CUX2: variants seen among roughly 807,000 people sequenced by gnomAD.
CUX2 encodes cut like homeobox 2.
CUX2 carries 40 observed loss-of-function variants against 144.8 expected under a neutral mutation model. The observed-to-expected ratio is 0.28, with a 90% CI of 0.21 to 0.36. The LOEUF is 0.36. Among genes scored for constraint, CUX2 ranks in the 10% least tolerant of loss-of-function variants. CUX2 has a pLI of 1.00. For synonymous variants in CUX2, 827 were observed against 875.6 expected (o/e 0.94, Z 0.98); for missense variants, 1,615 against 1,994.0 (o/e 0.81, Z 3.62).
chr12:111,324,155 T>G (rs541686595), intron 18 of CUX2, among the ~76,000 whole-genome samples: 1 of 151,734 alleles, frequency 6.6e-6, no homozygotes, highest in South Asian at 2.1e-4. Flanking sequence ...TCGAGACCAG[T>G]CTGGCCAACA....
In CUX2 at chr12:111,037,725, T is replaced by A. The variant is rs1869530763; in HGVS notation, c.63+3485T>A. 6.6e-6 allele frequency among the ~76,000 whole-genome samples: 1 copy of A among 152,266 alleles called. No homozygotes were observed. The highest frequency in any genetic ancestry group is 6.5e-5 in the Admixed American group (1 of 15,290). On this transcript the variant is annotated intron_variant, in intron 1 of 21. Transcript: ENST00000261726. This position sits in a 1 kb window ranked among gnomAD's most constrained non-coding sequence, Gnocchi z 5.4. Reference sequence around the variant, plus strand: ...TATTTTTTTATGGCTTTTCTGTGTATAATCGTCGTAACCGGATTCATACCT... The same window carrying A: ...TATTTTTTTATGGCTTTTCTGTGTAAAATCGTCGTAACCGGATTCATACCT...
chr12:111,285,704 C>T (rs1340035545), intron 4 of CUX2, among the ~76,000 whole-genome samples: 2 of 152,310 alleles, frequency 1.3e-5, no homozygotes, highest in East Asian at 1.9e-4. Context: ...TCCATTTTTC[C>T]GTGTGGGAAA....
chr12:111,258,728 C>G (rs1305299387), intron 3 of CUX2, among the ~76,000 whole-genome samples: 1 of 152,120 alleles, frequency 6.6e-6, no homozygotes, highest in African/African-American at 2.4e-5. Context: ...TTCTATTGCT[C>G]AGGCTGATGT....
intron 1 of CUX2, among the ~76,000 whole-genome samples, chr12:111,102,365 C>T (rs1363822942): frequency 2.0e-5 from 3 of 152,220 alleles, no homozygotes; most frequent in East Asian, 1.9e-4. Context: ...AGGCTTGTGG[C>T]GGTTGTGGGC....
chr12:111,220,937 TAAA>T (rs1162004039), intron 3 of CUX2, among the ~76,000 whole-genome samples: 10 of 92,050 alleles, frequency 1.1e-4, no homozygotes, highest in African/African-American at 2.6e-4. Context: ...CCTGGTCTCT[TAAA>T]AAAAAAAAAA....
chr12:111,247,076 C>A (rs987851021), intron 3 of CUX2, among the ~76,000 whole-genome samples: 1 of 152,216 alleles, frequency 6.6e-6, no homozygotes, highest in East Asian at 1.9e-4. Flanking sequence ...CACCTTAATC[C>A]TGATGATAAC....
chr12:111,238,021 G>C (rs1490137396), intron 3 of CUX2, among the ~76,000 whole-genome samples: 1 of 152,182 alleles, frequency 6.6e-6, no homozygotes, highest in Non-Finnish European at 1.5e-5. Context: ...GTCTCCAGAC[G>C]TTGCTAGATG....
chr12:111,210,184 CA>C (rs1881137900), intron 1 of CUX2, among the ~76,000 whole-genome samples: 1 of 152,188 alleles, frequency 6.6e-6, no homozygotes, highest in Non-Finnish European at 1.5e-5. Flanking sequence ...ATGTTTGTGA[CA>C]GAATTTTTTT....
intron 1 of CUX2, among the ~76,000 whole-genome samples, chr12:111,145,198 G>A (rs2136128437): frequency 6.6e-6 from 1 of 152,320 alleles, no homozygotes; most frequent in East Asian, 1.9e-4. Flanking sequence ...GTCCAGGCGT[G>A]GCTTGGCTTT....
At chr12:111,104,598 G>A (rs1256292317) in intron 1 of CUX2, among the ~76,000 whole-genome samples, 1 of 152,172 alleles carries the variant, frequency 6.6e-6, no homozygotes, top group African/African-American at 2.4e-5. Flanking sequence ...TGTGGCCCTG[G>A]TTCCTCATCT....
intron 1 of CUX2, among the ~76,000 whole-genome samples, chr12:111,045,035 T>G (rs560364949): frequency 1.4e-4 from 22 of 152,342 alleles, no homozygotes; most frequent in African/African-American, 5.3e-4. Flanking sequence ...CATAGAGAGC[T>G]GAAAGCATCC....
At chr12:111,318,476 G>A (rs1362282378) in intron 16 of CUX2, among the ~76,000 whole-genome samples, 1 of 151,368 alleles carries the variant, frequency 6.6e-6, no homozygotes, top group Non-Finnish European at 1.5e-5. Flanking sequence ...AGCTACTCGG[G>A]AGGCTGAGGC....
At chr12:111,137,407 G>A (rs1236342549) in intron 1 of CUX2, among the ~76,000 whole-genome samples, 1 of 151,344 alleles carries the variant, frequency 6.6e-6, no homozygotes, top group Admixed American at 6.6e-5. Context: ...AAATAGAATT[G>A]AAATCAGACA....
At chr12:111,198,984 A>T (rs1294835202) in intron 1 of CUX2, among the ~76,000 whole-genome samples, 1 of 152,204 alleles carries the variant, frequency 6.6e-6, no homozygotes, top group Non-Finnish European at 1.5e-5. Flanking sequence ...TTTCAAGCCA[A>T]GGAAAGAGAA....
chr12:111,309,982 T>C, intron 14 of CUX2, 59 bp from the exon 15 acceptor site: 3 of 1,262,030 alleles, frequency 2.4e-6, no homozygotes, highest in Non-Finnish European at 3.0e-6. Context: ...CCTGTCTCTC[T>C]CTCCCCTCAT....
rs919899680 is a variant in CUX2 at position 111,295,480 on chromosome 12, C to T, written c.637+71C>T. On this transcript the variant is annotated intron_variant, in intron 7 of 21. Transcript: ENST00000261726. The surrounding 1 kb of genome is among the most constrained non-coding windows in gnomAD (Gnocchi z 5.0). ...CGGTAATGCTGTCAACGAGGGGTCA[C>T]GGCTTGGGGTCTGCCACATCCAGGT... 24 of 1,348,270 alleles carry T rather than the reference C, an allele frequency of 1.8e-5. No homozygotes were observed. The Admixed American group carries it at 2.8e-4, about 16-fold the overall frequency. 83.5% of individuals were successfully genotyped at this position (1,348,270 alleles called of 1,614,324 possible).
At chr12:111,159,221 G>T (rs530118172) in intron 1 of CUX2, among the ~76,000 whole-genome samples, 4 of 152,058 alleles carry the variant, frequency 2.6e-5, no homozygotes, top group Admixed American at 2.6e-4. Flanking sequence ...ATCGTAGCTC[G>T]CTGCAACCCC....
chr12:111,098,514 T>C (rs1279824385), intron 1 of CUX2, among the ~76,000 whole-genome samples: 2 of 152,104 alleles, frequency 1.3e-5, no homozygotes, highest in Non-Finnish European at 2.9e-5. Flanking sequence ...TCAAAGTAGA[T>C]ACGCATCTCT....
intron 21 of CUX2, among the ~76,000 whole-genome samples, chr12:111,346,587 T>C (rs751945242): frequency 1.3e-5 from 2 of 152,220 alleles, no homozygotes; most frequent in Non-Finnish European, 2.9e-5. Flanking sequence ...TAATAGTCTA[T>C]ATTAGTGTAC....
Sources: gnomAD v4.1 joint callset for allele counts (sites outside exome capture counted in the v4.1 genomes callset) on GRCh38, gnomAD v4.1.1 for gene constraint, Gnocchi (gnomAD v3.1) non-coding constraint, MANE v1.5 for transcripts, NCBI Gene and HGNC (gene_info 2026-07-23, HGNC 2026-07-21) for gene names.